Variants in USP22 observed in about 807,000 individuals in gnomAD.
USP22 encodes the protein ubiquitin specific peptidase 22.
USP22 carries 22 observed loss-of-function variants against 68.1 expected under a neutral mutation model. The observed-to-expected ratio is 0.32, with a 90% CI of 0.23 to 0.46. The LOEUF is 0.46. Ranked by LOEUF, USP22 falls within the 20% of genes least tolerant of loss-of-function variation. USP22 has a pLI of 1.00. For synonymous variants in USP22, 279 were observed against 274.2 expected (o/e 1.02, Z -0.17); for missense variants, 433 against 695.8 (o/e 0.62, Z 4.25).
At chr17:21,021,727 G>T (rs1447607189) in intron 2 of USP22, among the ~76,000 whole-genome samples, 1 of 152,198 alleles carries the variant, frequency 6.6e-6, no homozygotes, top group Non-Finnish European at 1.5e-5. Flanking sequence ...CTCATCGGAT[G>T]ACTTTGATTG....
chr17:21,041,596 T>A (rs1972432851), intron 1 of USP22, among the ~76,000 whole-genome samples: 1 of 152,086 alleles, frequency 6.6e-6, no homozygotes, highest in Non-Finnish European at 1.5e-5. Flanking sequence ...AGACTTCGTC[T>A]CAAAAAAATA....
Position 21,021,192 on chromosome 17 carries a change from A to G in USP22, c.339T>C (p.Phe113=), listed in dbSNP as rs2143584977. The part of the protein sequence containing the change: ...IDLMYGGIYC[F]LCQDYIYDKD... ...TGTCATAGATGTAGTCCTGGCACAG[A>G]AAACAGTAGATGCCTCCGTACATCA... Residue 113 remains phenylalanine, a synonymous_variant, in exon 3 of 13, where the codon TTT becomes TTC. Coordinates refer to ENST00000261497, the MANE Select transcript of USP22 (RefSeq NM_015276.2). 1.2e-6 allele frequency: 2 copies of G among 1,614,090 alleles called. No individual in the cohort carries two copies. Among genetic ancestry groups the G allele is most frequent in the Non-Finnish European group, 8.5e-7 (1 of 1,179,936 alleles).
At chr17:21,026,621 T>C (rs1972222946) in intron 2 of USP22, among the ~76,000 whole-genome samples, 1 of 149,788 alleles carries the variant, frequency 6.7e-6, no homozygotes, top group Non-Finnish European at 1.5e-5. Flanking sequence ...ACACCGCTCC[T>C]CCCTCATCTC....
At chr17:21,029,258 C>G (rs1162954219) in intron 1 of USP22, among the ~76,000 whole-genome samples, 1 of 152,214 alleles carries the variant, frequency 6.6e-6, no homozygotes, top group African/African-American at 2.4e-5. Flanking sequence ...GTGCCACTGA[C>G]TCACAATACT....
At chr17:21,017,665 C>T (rs1318210486) in intron 5 of USP22, among the ~76,000 whole-genome samples, 1 of 152,204 alleles carries the variant, frequency 6.6e-6, no homozygotes, top group Non-Finnish European at 1.5e-5. Context: ...AATCACCCGT[C>T]TTTAGAGACA....
At chr17:21,022,687 T>G (rs1314458314) in intron 2 of USP22, among the ~76,000 whole-genome samples, 1 of 151,850 alleles carries the variant, frequency 6.6e-6, no homozygotes, top group Non-Finnish European at 1.5e-5. Context: ...TAGTCCCAGC[T>G]ACTCAGGAGG....
chr17:21,006,902 G>A lies in USP22; in HGVS notation c.1316C>T (p.Ala439Val), dbSNP rs1179281629. 6.2e-7 allele frequency: 1 copy of A among 1,604,924 alleles called. No individual in the cohort carries two copies. The highest frequency in any genetic ancestry group is 8.5e-7 in the Non-Finnish European group (1 of 1,175,366). Residue 439 changes from alanine (A) to valine (V), a missense_variant, in exon 10 of 13, where the codon GCC (alanine) becomes GTC (valine). Ala to Val is a moderately conservative substitution (Grantham distance 64). This residue lies in a region of USP22 where 178 missense variants were observed against 351.5 expected (regional missense o/e 0.51). Coordinates refer to ENST00000261497, the MANE Select transcript of USP22 (RefSeq NM_015276.2). ...GGCCTACAACCCCACATACCTGGAG[G>A]CCATGAAAGGGGTCATGTCCAGCTC... ...PLELDMTPFM[A>V]SSKESRMNGQ...
At chr17:21,017,825 C>G in intron 5 of USP22, 117 bp downstream of exon 5, 1 of 1,293,396 alleles carries the variant, frequency 7.7e-7, no homozygotes, top group Non-Finnish European at 1.1e-6. Flanking sequence ...TAAACATTAA[C>G]TTACTACAAA....
rs569694991 is a variant in USP22, at chr17:21,002,794, C to T, written c.*237G>A. The T allele has an allele frequency of 2.4e-5, 12 of 507,300 alleles. No individual in the cohort carries two copies. Among genetic ancestry groups the T allele is most frequent in the African/African-American group, 2.1e-4 (11 of 51,562 alleles). 31.4% of individuals were successfully genotyped at this position (507,300 alleles called of 1,614,324 possible). ...TGACGGGTGTACGCTGCTCCTCCCA[C>T]CCAGAGCACACCCCTCATCTCATCC... is the stretch of plus-strand genomic sequence containing the variant. On this transcript the variant is annotated 3_prime_UTR_variant, in exon 13 of 13. Transcript: ENST00000261497.
At chr17:21,018,566 T>C (rs1972116337) in intron 4 of USP22, among the ~76,000 whole-genome samples, 1 of 151,894 alleles carries the variant, frequency 6.6e-6, no homozygotes, top group Non-Finnish European at 1.5e-5. Flanking sequence ...ACAAAAATTA[T>C]CCAAACATGG....
intron 8 of USP22, among the ~76,000 whole-genome samples, chr17:21,009,882 G>A (rs1032881503): frequency 6.6e-6 from 1 of 151,896 alleles, no homozygotes; most frequent in Admixed American, 6.6e-5. Flanking sequence ...GTGAACCTGG[G>A]AGGTGGAGGT....
rs147443203 is a variant in USP22 at position 21,030,452 on chromosome 17, C to T, written c.172-1778G>A. On this transcript the variant is annotated intron_variant, in intron 1 of 12. Coordinates refer to ENST00000261497, the MANE Select transcript of USP22 (RefSeq NM_015276.2). ...TGTGTATTGAGGCAATAGATATATA[C>T]AGTTTCAGAGTATCACTCCAGAGAC... Among the ~76,000 whole-genome samples the T allele has an allele frequency of 2.1e-3, 314 of 152,226 alleles. 2 individuals are homozygous for T. The highest frequency in any genetic ancestry group is 6.9e-3 in the African/African-American group (286 of 41,520).
At chr17:21,011,390 C>T (rs1913966164) in intron 7 of USP22, 81 bp from the exon 8 acceptor site, 1 of 1,507,700 alleles carries the variant, frequency 6.6e-7, no homozygotes, top group African/African-American at 1.4e-5. Flanking sequence ...AAGCCGTTCC[C>T]ACATCCCTTC....
At chr17:21,023,600 G>C (rs1972184243) in intron 2 of USP22, among the ~76,000 whole-genome samples, 3 of 144,622 alleles carry the variant, frequency 2.1e-5, no homozygotes, top group Non-Finnish European at 3.0e-5. Flanking sequence ...AGCCAAGACT[G>C]CACCACTGCA....
chr17:21,019,207 C>CCAAGCGCT (rs761405118), intron 3 of USP22, 22 bp from the exon 4 acceptor site: 1 of 1,608,802 alleles, frequency 6.2e-7, no homozygotes, highest in South Asian at 1.1e-5. Context: ...AAGGACAGTT[C>CCAAGCGCT]CAAGCGCTAT....
At position 21,002,338 on chromosome 17, in the gene USP22, ACATTT is replaced by A. The variant is rs1434029487; in HGVS notation, c.*688_*692del. 1.3e-5 allele frequency: 2 copies of A among 152,318 alleles called. No individual in the cohort carries two copies. Among genetic ancestry groups the A allele is most frequent in the East Asian group, 3.8e-4 (2 of 5,202 alleles). The allele number at this position is 152,318 out of a possible 1,614,324, so 9.4% of individuals were successfully genotyped here. A position where few individuals can be genotyped will look rare whatever the true frequency, so the allele number is the denominator to read the frequency against. On this transcript the variant is annotated 3_prime_UTR_variant, in exon 13 of 13. Transcript: ENST00000261497. ...GTAATTCATTCACTTTACTAGTATT[ACATTT>A]ATGAAATTCACCTTTGTGGAAAAAG...
rs927514068 is a variant in USP22 at position 21,026,491 on chromosome 17, T to G, written c.304+2051A>C. The stretch of plus-strand genomic sequence containing the variant: ...GGCACACACCACCACGCCCTGCTAA[T>G]TTTTAAATTTTTTGTAGAGACAGGA... On this transcript the variant is annotated intron_variant, in intron 2 of 12. Coordinates refer to ENST00000261497, the MANE Select transcript of USP22 (RefSeq NM_015276.2). Among the ~76,000 whole-genome samples, 3 of 151,880 alleles carry G rather than the reference T, an allele frequency of 2.0e-5. No homozygotes were observed. The East Asian group carries it at 5.9e-4, about 30-fold the overall frequency.
chr17:21,026,305 T>C (rs1251469319), intron 2 of USP22, among the ~76,000 whole-genome samples: 1 of 152,198 alleles, frequency 6.6e-6, no homozygotes, highest in Non-Finnish European at 1.5e-5. Context: ...GATACAGGTA[T>C]GTTTTGCCTT....
At chr17:21,010,390 T>TA (rs1006240627) in intron 8 of USP22, among the ~76,000 whole-genome samples, 4 of 152,068 alleles carry the variant, frequency 2.6e-5, no homozygotes, top group South Asian at 2.1e-4. Flanking sequence ...CATTTTTTTT[T>TA]AAAAATCACT....
Sources: gnomAD v4.1 joint callset for allele counts (sites outside exome capture counted in the v4.1 genomes callset) on GRCh38, gnomAD v4.1.1 for gene constraint, gnomAD v4.1.1 regional missense constraint, MANE v1.5 for transcripts, NCBI Gene and HGNC (gene_info 2026-07-23, HGNC 2026-07-21) for gene names.